Variants in GALNT8 observed in about 807,000 individuals in gnomAD.
The protein encoded by GALNT8 is probable polypeptide N-acetylgalactosaminyltransferase 8.
In GALNT8, 66 loss-of-function variants were observed where a neutral mutation model predicts 62.7. The ratio of observed to expected loss-of-function variants is 1.05; its 90% CI spans 0.86 to 1.29. GALNT8 has a LOEUF of 1.29. GALNT8 is among the 50% of genes most tolerant of loss of function. GALNT8 has a pLI of 0.00. For missense variants in GALNT8, 771 were observed against 791.8 expected, an observed-to-expected ratio of 0.97 and a Z score of 0.32; for synonymous variants, 288 against 294.3, an observed-to-expected ratio of 0.98 and a Z score of 0.22.
intron 6 of GALNT8, among the ~76,000 whole-genome samples, chr12:4,756,709 C>T (rs1946346725): frequency 6.6e-6 from 1 of 152,184 alleles, no homozygotes; most frequent in Non-Finnish European, 1.5e-5. Flanking sequence ...CTAACTGAAA[C>T]TGATGACCCC....
chr12:4,767,435 G>A (rs534399055), intron 10 of GALNT8, among the ~76,000 whole-genome samples: 5 of 152,222 alleles, frequency 3.3e-5, no homozygotes, highest in Non-Finnish European at 5.9e-5. Flanking sequence ...AGCTTGAAAG[G>A]CTTGTTAGGC....
chr12:4,724,194 A>G (rs1456341147), intron 1 of GALNT8, among the ~76,000 whole-genome samples: 8 of 151,248 alleles, frequency 5.3e-5, no homozygotes, highest in African/African-American at 1.9e-4. Context: ...CAATAAGGAT[A>G]CTTAGTTGAA....
intron 6 of GALNT8, among the ~76,000 whole-genome samples, chr12:4,746,988 A>C (rs1946302798): frequency 6.6e-6 from 1 of 152,198 alleles, no homozygotes; most frequent in Non-Finnish European, 1.5e-5. Context: ...CTTCACACTT[A>C]AGCAGTGATG....
chr12:4,727,166 A>G (rs2137518710), intron 2 of GALNT8, among the ~76,000 whole-genome samples: 1 of 152,226 alleles, frequency 6.6e-6, no homozygotes. Context: ...AAGTCACACC[A>G]AAGCCAGTAG....
intron 3 of GALNT8, among the ~76,000 whole-genome samples, chr12:4,740,963 C>T (rs1485090571): frequency 6.6e-6 from 1 of 152,152 alleles, no homozygotes; most frequent in African/African-American, 2.4e-5. Flanking sequence ...ATGGTAGCCT[C>T]TCAGCAATTG....
chr12:4,750,518 A>G (rs1265181983), intron 6 of GALNT8, among the ~76,000 whole-genome samples: 1 of 152,214 alleles, frequency 6.6e-6, no homozygotes, highest in East Asian at 1.9e-4. Flanking sequence ...TGCAAAGGAC[A>G]TGATTTCATT....
chr12:4,722,985 G>A (rs1202953205), intron 1 of GALNT8, among the ~76,000 whole-genome samples: 1 of 152,058 alleles, frequency 6.6e-6, no homozygotes, highest in Non-Finnish European at 1.5e-5. Flanking sequence ...AAGAAGAAAA[G>A]AAGGGAAAGT....
At chr12:4,764,668 C>G (rs1946390355) in intron 9 of GALNT8, among the ~76,000 whole-genome samples, 1 of 150,826 alleles carries the variant, frequency 6.6e-6, no homozygotes, top group Admixed American at 6.6e-5. Flanking sequence ...CTCAGCCTCC[C>G]TAGTAGCTGG....
intron 6 of GALNT8, among the ~76,000 whole-genome samples, chr12:4,754,758 T>C (rs1946337066): frequency 6.6e-6 from 1 of 152,044 alleles, no homozygotes; most frequent in Non-Finnish European, 1.5e-5. Context: ...CAATGTAGTA[T>C]TGGGTATTGC....
intron 1 of GALNT8, among the ~76,000 whole-genome samples, chr12:4,722,145 C>CT (rs1946173739): frequency 6.6e-6 from 1 of 152,198 alleles, no homozygotes; most frequent in Admixed American, 6.5e-5. Context: ...TCTCCTATGT[C>CT]TAGTTCTTTC....
At chr12:4,733,449 A>G (rs888731901) in intron 2 of GALNT8, among the ~76,000 whole-genome samples, 3 of 152,228 alleles carry the variant, frequency 2.0e-5, no homozygotes, top group East Asian at 3.8e-4. Flanking sequence ...CATTTCAAAT[A>G]TAGCCAAGAA....
At chr12:4,739,528 A>C (rs975246809) in intron 3 of GALNT8, among the ~76,000 whole-genome samples, 199 bp downstream of exon 3, 1 of 152,154 alleles carries the variant, frequency 6.6e-6, no homozygotes, top group African/African-American at 2.4e-5. Context: ...TTATCTCTAC[A>C]TGGATGAGGA....
chr12:4,761,823 A>G (rs1946374454), intron 7 of GALNT8, among the ~76,000 whole-genome samples: 1 of 152,162 alleles, frequency 6.6e-6, no homozygotes, highest in African/African-American at 2.4e-5. Flanking sequence ...GGGCCAGAGC[A>G]TGTGGAGCTG....
At chr12:4,753,446 C>G (rs1946330841) in intron 6 of GALNT8, among the ~76,000 whole-genome samples, 1 of 152,198 alleles carries the variant, frequency 6.6e-6, no homozygotes, top group South Asian at 2.1e-4. Context: ...TTGACCAATT[C>G]TGCTATTAAA....
In GALNT8 at chr12:4,761,029, G is replaced by A. The variant is rs1178861802; in HGVS notation, c.1245G>A (p.Lys415=). The A allele has an allele frequency of 7.4e-6, 12 of 1,614,054 alleles. No individual in the cohort carries two copies. The East Asian group carries it at 2.5e-4, about 33-fold the overall frequency. Residue 415 remains lysine (K), a synonymous_variant, in exon 7 of 11, where the codon AAG becomes AAA. Coordinates refer to ENST00000252318, the MANE Select transcript of GALNT8 (RefSeq NM_017417.2). ...SRIAHLERHH[K]PYALDLTAAL... ...TTGCCCACCTAGAGAGACACCACAA[G>A]CCCTACGCCTTGGATCTCACCGCTG... is the stretch of plus-strand genomic sequence containing the variant.
chr12:4,743,966 A>G (rs531398192), intron 3 of GALNT8, among the ~76,000 whole-genome samples: 2 of 152,348 alleles, frequency 1.3e-5, no homozygotes, highest in African/African-American at 4.8e-5. Flanking sequence ...CAATCTAGGA[A>G]TAGTGAATCT....
chr12:4,744,383 T>C (rs966212173), intron 3 of GALNT8, 134 bp from the exon 4 acceptor site: 15 of 610,854 alleles, frequency 2.5e-5, no homozygotes, highest in Non-Finnish European at 4.0e-5. Flanking sequence ...ATACTACTTA[T>C]TTTCTAGTTG....
At chr12:4,722,620 C>T (rs1946176028) in intron 1 of GALNT8, among the ~76,000 whole-genome samples, 1 of 152,154 alleles carries the variant, frequency 6.6e-6, no homozygotes, top group African/African-American at 2.4e-5. Flanking sequence ...CCAACTTCAG[C>T]AAGGGAAGCA....
chr12:4,748,484 TC>T (rs1295550759), intron 6 of GALNT8, among the ~76,000 whole-genome samples: 1 of 152,176 alleles, frequency 6.6e-6, no homozygotes, highest in African/African-American at 2.4e-5. Context: ...GACTGTCTTT[TC>T]CCCAGTGTGT....
Sources: gnomAD v4.1 joint callset for allele counts (sites outside exome capture counted in the v4.1 genomes callset) on GRCh38, gnomAD v4.1.1 for gene constraint, MANE v1.5 for transcripts, NCBI Gene and HGNC (gene_info 2026-07-23, HGNC 2026-07-21) for gene names.